RABGAP1L: variants seen among roughly 807,000 people sequenced by gnomAD.
RABGAP1L encodes RAB GTPase activating protein 1 like.
In RABGAP1L, 63 loss-of-function variants were observed where a neutral mutation model predicts 137.7. That is an observed-to-expected ratio of 0.46 (90% CI 0.37 to 0.56). The LOEUF (loss-of-function observed/expected upper bound fraction) is 0.56, where lower values mean the gene tolerates loss of function less well. RABGAP1L is among the 20% of genes least tolerant of loss of function. RABGAP1L has a pLI of 0.00. For synonymous variants in RABGAP1L, 431 were observed against 433.7 expected (o/e 0.99, Z 0.08); for missense variants, 1,095 against 1,244.0 (o/e 0.88, Z 1.80).
chr1:174,438,772 A>G (rs1202623526), intron 13 of RABGAP1L, among the ~76,000 whole-genome samples: 1 of 139,524 alleles, frequency 7.2e-6, no homozygotes, highest in African/African-American at 2.8e-5. Flanking sequence ...ATATATATAT[A>G]TATATGACTT....
Position 174,220,860 on chromosome 1 carries a change from A to G in RABGAP1L, c.139-112A>G, listed in dbSNP as rs373095980. 1.9e-5 allele frequency: 17 copies of G among 908,388 alleles called. 1 individual carries two copies. The South Asian group carries it at 2.5e-4, about 13-fold the overall frequency. The allele number at this position is 908,388 out of a possible 1,614,324, so 56.3% of individuals were successfully genotyped here. On this transcript the variant is annotated intron_variant, in intron 2 of 25. Coordinates refer to ENST00000681986, the MANE Select transcript of RABGAP1L (RefSeq NM_001366446.1). ...ACAACTTCTTAGTATTTTAGTAACT[A>G]TATTTAAATATTTAGATTGTTTTAA...
Position 174,333,989 on chromosome 1 carries a change from T to C in RABGAP1L, c.1465+28862T>C, listed in dbSNP as rs569421907. On this transcript the variant is annotated intron_variant, in intron 11 of 25. Transcript: ENST00000681986. ...GTGGAGATCCTACAATTATCACTGG[T>C]CATCTGGAAGGCTCTCTATTATGTG... is the stretch of plus-strand genomic sequence containing the variant. 1.9e-4 allele frequency among the ~76,000 whole-genome samples: 29 copies of C among 152,262 alleles called. No homozygotes were observed. In the South Asian group the frequency reaches 5.8e-3, roughly 30 times the overall value.
chr1:174,708,886 C>G (rs1196536262), intron 17 of RABGAP1L, among the ~76,000 whole-genome samples: 1 of 152,174 alleles, frequency 6.6e-6, no homozygotes, highest in Non-Finnish European at 1.5e-5. Context: ...TCAGCAGAAC[C>G]TACCCCCATG....
chr1:174,751,273 A>G (rs546548344), intron 17 of RABGAP1L, among the ~76,000 whole-genome samples: 1 of 152,368 alleles, frequency 6.6e-6, no homozygotes, highest in East Asian at 1.9e-4. Flanking sequence ...AGCAAATCAT[A>G]ACAGGAATAC....
intron 7 of RABGAP1L, among the ~76,000 whole-genome samples, chr1:174,258,977 C>T (rs777771269): frequency 2.0e-5 from 3 of 151,952 alleles, no homozygotes; most frequent in Non-Finnish European, 4.4e-5. Flanking sequence ...TTCATAGAGA[C>T]GGGGTCTCGC....
intron 12 of RABGAP1L, among the ~76,000 whole-genome samples, chr1:174,384,611 A>G (rs1228185374): frequency 6.6e-6 from 1 of 152,070 alleles, no homozygotes; most frequent in Non-Finnish European, 1.5e-5. Flanking sequence ...TGCCTTCATT[A>G]TACCTTGCAT....
intron 19 of RABGAP1L, among the ~76,000 whole-genome samples, chr1:174,821,042 C>T (rs1294211627): frequency 2.0e-5 from 3 of 151,348 alleles, no homozygotes; most frequent in Non-Finnish European, 2.9e-5. Flanking sequence ...AAAAAACTGC[C>T]CTGTGCTCAT....
intron 18 of RABGAP1L, among the ~76,000 whole-genome samples, chr1:174,780,098 A>ATTAAT: frequency 6.8e-6 from 1 of 147,966 alleles, no homozygotes; most frequent in Non-Finnish European, 1.5e-5. Flanking sequence ...AAATAAATAA[A>ATTAAT]TAAATAAATA....
intron 19 of RABGAP1L, among the ~76,000 whole-genome samples, chr1:174,908,385 G>C (rs1032218074): frequency 6.6e-6 from 1 of 152,058 alleles, no homozygotes; most frequent in Admixed American, 6.6e-5. Flanking sequence ...CCCCAGAATA[G>C]ACCATATCTT....
intron 10 of RABGAP1L, among the ~76,000 whole-genome samples, chr1:174,281,085 G>C: frequency 6.6e-6 from 1 of 152,166 alleles, no homozygotes; most frequent in African/African-American, 2.4e-5. Context: ...GACCTTCGCG[G>C]TGAGTGTTAC....
intron 17 of RABGAP1L, among the ~76,000 whole-genome samples, chr1:174,749,979 C>G (rs780637508): frequency 1.3e-5 from 2 of 152,112 alleles, no homozygotes; most frequent in Non-Finnish European, 2.9e-5. Context: ...ACACCATTCT[C>G]CTGCTTCGGC....
intron 17 of RABGAP1L, among the ~76,000 whole-genome samples, chr1:174,742,109 AGGAGGG>A (rs1188245458): frequency 1.7e-5 from 1 of 58,776 alleles, no homozygotes; most frequent in East Asian, 6.2e-4. Context: ...GAAGAAGAGG[AGGAGGG>A]GGAGGGGGAG....
At chr1:174,807,638 A>G (rs1340057196) in intron 18 of RABGAP1L, among the ~76,000 whole-genome samples, 1 of 152,226 alleles carries the variant, frequency 6.6e-6, no homozygotes, top group Non-Finnish European at 1.5e-5. Flanking sequence ...TCAAAGTAGG[A>G]CTAACTACAG....
intron 13 of RABGAP1L, among the ~76,000 whole-genome samples, chr1:174,597,928 A>G (rs1572450604): frequency 6.6e-6 from 1 of 152,156 alleles, no homozygotes; most frequent in Non-Finnish European, 1.5e-5. Flanking sequence ...TCAGCAGCAT[A>G]GTGTTTAATT....
chr1:174,730,421 A>G (rs1382344818), intron 17 of RABGAP1L, among the ~76,000 whole-genome samples: 2 of 152,218 alleles, frequency 1.3e-5, no homozygotes, highest in East Asian at 3.8e-4. Flanking sequence ...GCATTATGCA[A>G]TATAGCCATG....
intron 17 of RABGAP1L, among the ~76,000 whole-genome samples, chr1:174,738,997 CTT>C (rs1683174295): frequency 6.6e-6 from 1 of 152,158 alleles, no homozygotes; most frequent in Non-Finnish European, 1.5e-5. Flanking sequence ...TAAACTAATT[CTT>C]CCATCTTTTT....
intron 19 of RABGAP1L, among the ~76,000 whole-genome samples, chr1:174,821,829 T>G (rs1455493884): frequency 3.3e-5 from 5 of 152,240 alleles, no homozygotes; most frequent in Non-Finnish European, 5.9e-5. Flanking sequence ...GATTCACTTT[T>G]GATTAAAACA....
chr1:174,612,720 G>T (rs975901149), intron 13 of RABGAP1L, among the ~76,000 whole-genome samples: 10 of 152,138 alleles, frequency 6.6e-5, no homozygotes, highest in Non-Finnish European at 1.2e-4. Flanking sequence ...ATTGATTATT[G>T]CCACAATTTC....
chr1:174,760,505 C>T (rs549958057), intron 18 of RABGAP1L, among the ~76,000 whole-genome samples: 53 of 152,334 alleles, frequency 3.5e-4, no homozygotes, highest in African/African-American at 1.1e-3. Flanking sequence ...AGGACATGAT[C>T]TCATTCTCCT....
Sources: allele counts gnomAD v4.1 joint callset (sites outside exome capture counted in the v4.1 genomes callset), GRCh38; gene constraint gnomAD v4.1.1; transcripts MANE v1.5; gene names NCBI Gene and HGNC (gene_info 2026-07-23, HGNC 2026-07-21).